TMEM117: variants seen among roughly 807,000 people sequenced by gnomAD.
TMEM117 encodes transmembrane protein 117.
TMEM117 carries 27 observed loss-of-function variants against 52.4 expected under a neutral mutation model. That is an observed-to-expected ratio of 0.51 (90% CI 0.38 to 0.71). The LOEUF is 0.71. Among genes scored for constraint, TMEM117 ranks in the 30% least tolerant of loss-of-function variants. The probability of loss-of-function intolerance (pLI) is 0.00; values close to 1 mark genes in which losing one functional copy is unlikely to be tolerated. For missense variants in TMEM117, 556 were observed against 630.5 expected (o/e 0.88, Z 1.26); for synonymous variants, 215 against 206.3 (o/e 1.04, Z -0.36).
At chr12:44,259,110 C>A (rs1950293087) in intron 5 of TMEM117, among the ~76,000 whole-genome samples, 1 of 152,090 alleles carries the variant, frequency 6.6e-6, no homozygotes, top group African/African-American at 2.4e-5. Flanking sequence ...TTTAGCATTT[C>A]CCATGTCATT....
chr12:43,832,427 G>A (rs919401851), upstream of TMEM117, among the ~76,000 whole-genome samples: 2 of 152,192 alleles, frequency 1.3e-5, no homozygotes, highest in East Asian at 1.9e-4. Flanking sequence ...AAGAACAGTA[G>A]CTGAAATCCT....
intron 4 of TMEM117, among the ~76,000 whole-genome samples, chr12:44,148,483 T>G (rs1196498156): frequency 6.6e-6 from 1 of 152,212 alleles, no homozygotes. Context: ...TAGAAATATA[T>G]TTTACCTTTC....
chr12:43,839,698 A>G (rs1221556609), intron 1 of TMEM117, among the ~76,000 whole-genome samples: 3 of 152,356 alleles, frequency 2.0e-5, no homozygotes, highest in Middle Eastern at 6.8e-3. Context: ...CCTCAAAGAA[A>G]CTATCAGATG....
chr12:44,324,245 T>A (rs963247736), intron 6 of TMEM117, among the ~76,000 whole-genome samples: 2 of 152,048 alleles, frequency 1.3e-5, no homozygotes, highest in Admixed American at 6.6e-5. Context: ...TCTGCTTGCC[T>A]GTAATTTCAT....
chr12:44,306,593 C>CA (rs1257612787), intron 6 of TMEM117, among the ~76,000 whole-genome samples: 4 of 152,180 alleles, frequency 2.6e-5, no homozygotes, highest in Non-Finnish European at 5.9e-5. Flanking sequence ...TGTGTACATA[C>CA]ATACCTCCTA....
chr12:44,267,700 C>T (rs1950396021), intron 5 of TMEM117, among the ~76,000 whole-genome samples: 2 of 152,140 alleles, frequency 1.3e-5, no homozygotes, highest in Admixed American at 1.3e-4. Flanking sequence ...GCAACCATTC[C>T]ATTCACTGCC....
At chr12:44,163,613 G>A (rs1373738981) in intron 4 of TMEM117, among the ~76,000 whole-genome samples, 1 of 152,090 alleles carries the variant, frequency 6.6e-6, no homozygotes, top group East Asian at 1.9e-4. Flanking sequence ...TTTATTTATG[G>A]GACAAAAGAG....
intron 5 of TMEM117, among the ~76,000 whole-genome samples, chr12:44,283,652 G>T (rs1950604155): frequency 6.6e-6 from 1 of 152,102 alleles, no homozygotes; most frequent in Non-Finnish European, 1.5e-5. Context: ...TAGACGGAAG[G>T]GACTTGCCTT....
Position 44,258,502 on chromosome 12 carries a change from GA to G in TMEM117, c.609-41070del, listed in dbSNP as rs146078164. Among the ~76,000 whole-genome samples the G allele has an allele frequency of 4.0e-5, 6 of 151,296 alleles. No homozygotes were observed. The East Asian group carries it at 9.7e-4, about 24-fold the overall frequency. ...ATTTTTAACATTAAAGCATCACCAG[GA>G]AAAAAAAGATTAGAGTGTTTTGACA... On this transcript the variant is annotated intron_variant, in intron 5 of 7. Coordinates refer to ENST00000266534, the MANE Select transcript of TMEM117 (RefSeq NM_032256.3).
At chr12:43,875,348 A>T (rs2137436570) in intron 2 of TMEM117, among the ~76,000 whole-genome samples, 1 of 152,272 alleles carries the variant, frequency 6.6e-6, no homozygotes, top group African/African-American at 2.4e-5. Context: ...GAGATCCAGT[A>T]GCTGAATGTC....
chr12:44,253,509 C>T (rs1169874344), intron 5 of TMEM117, among the ~76,000 whole-genome samples: 1 of 152,068 alleles, frequency 6.6e-6, no homozygotes, highest in Non-Finnish European at 1.5e-5. Flanking sequence ...AGCCACAGGG[C>T]AGAGATGCTG....
chr12:43,977,226 C>T (rs1945685406), intron 3 of TMEM117, among the ~76,000 whole-genome samples: 2 of 152,174 alleles, frequency 1.3e-5, no homozygotes, highest in African/African-American at 4.8e-5. Flanking sequence ...GAGCAGGATT[C>T]ACTCAGCCTC....
chr12:43,983,726 A>G (rs1401259264), intron 3 of TMEM117, among the ~76,000 whole-genome samples: 1 of 151,906 alleles, frequency 6.6e-6, no homozygotes, highest in Non-Finnish European at 1.5e-5. Flanking sequence ...AGAACTTTAC[A>G]TATGTTATCT....
At chr12:44,226,984 A>T (rs1565613434) in intron 5 of TMEM117, among the ~76,000 whole-genome samples, 2 of 150,472 alleles carry the variant, frequency 1.3e-5, no homozygotes, top group African/African-American at 4.9e-5. Flanking sequence ...AAAGCAACCA[A>T]TTTTTTTTTT....
chr12:43,933,218 T>TC, intron 2 of TMEM117, among the ~76,000 whole-genome samples: 1 of 152,110 alleles, frequency 6.6e-6, no homozygotes, highest in African/African-American at 2.4e-5. Context: ...TTTTTTTTTT[T>TC]CGAGACGGAG....
At chr12:44,258,865 T>G (rs1950290105) in intron 5 of TMEM117, among the ~76,000 whole-genome samples, 2 of 152,150 alleles carry the variant, frequency 1.3e-5, no homozygotes, top group South Asian at 2.1e-4. Context: ...CAGGAGCCAT[T>G]AGCTACATAT....
chr12:44,059,508 G>C (rs916798060), intron 3 of TMEM117, among the ~76,000 whole-genome samples: 2 of 151,994 alleles, frequency 1.3e-5, no homozygotes, highest in Non-Finnish European at 2.9e-5. Context: ...TTTCATTTTG[G>C]GGTGGTCTTT....
intron 2 of TMEM117, among the ~76,000 whole-genome samples, chr12:43,855,208 C>T (rs1621279): frequency 0.69 from 105,501 of 151,974 alleles, 40,927 homozygotes; most frequent in East Asian, 0.87. Context: ...TTTTGGATCT[C>T]GGAACTGTGG....
chr12:44,316,340 G>A (rs1321072426), intron 6 of TMEM117, among the ~76,000 whole-genome samples: 3 of 152,068 alleles, frequency 2.0e-5, no homozygotes, highest in African/African-American at 7.2e-5. Flanking sequence ...TGCTTATAAA[G>A]CTTAGTTTGA....
Sources: allele counts gnomAD v4.1 joint callset (sites outside exome capture counted in the v4.1 genomes callset), GRCh38; gene constraint gnomAD v4.1.1; transcripts MANE v1.5; gene names NCBI Gene and HGNC (gene_info 2026-07-23, HGNC 2026-07-21).